Variants in TSPAN16 observed in about 807,000 individuals in gnomAD.
TSPAN16 encodes tetraspanin 16, also known as tetraspanin-16.
Under a neutral mutation model 25.2 loss-of-function variants are expected in TSPAN16, and 23 were observed. The ratio of observed to expected loss-of-function variants is 0.91; its 90% confidence interval spans 0.66 to 1.29. The LOEUF (loss-of-function observed/expected upper bound fraction) is 1.29, where lower values mean the gene tolerates loss of function less well. TSPAN16 is among the 50% of genes most tolerant of loss of function. The pLI, the probability that TSPAN16 is intolerant of heterozygous loss-of-function variation, is 0.00. For missense variants in TSPAN16, 272 were observed against 299.9 expected (o/e 0.91, Z 0.69); for synonymous variants, 123 against 124.4 (o/e 0.99, Z 0.08).
At chr19:11,304,971 AG>A (rs942555005) in intron 4 of TSPAN16, among the ~76,000 whole-genome samples, 2 of 151,652 alleles carry the variant, frequency 1.3e-5, no homozygotes, top group Admixed American at 6.6e-5. Context: ...AAAAAAAAAA[AG>A]TTTTGCTCCC....
intron 5 of TSPAN16, among the ~76,000 whole-genome samples, chr19:11,308,967 T>G (rs1446386195): frequency 6.6e-6 from 1 of 152,086 alleles, no homozygotes; most frequent in African/African-American, 2.4e-5. Context: ...CCAGCTATTC[T>G]GGTGGTTGAG....
At chr19:11,314,745 T>C (rs1278580060) in intron 6 of TSPAN16, among the ~76,000 whole-genome samples, 5 of 151,822 alleles carry the variant, frequency 3.3e-5, no homozygotes, top group Admixed American at 2.0e-4. Flanking sequence ...CTGAAGGCTC[T>C]AGAAAGGGCA....
rs191846655 is a variant in TSPAN16 at position 11,296,402 on chromosome 19, C to T, written c.69+36C>T. ...CACAATCCAGGCCCCTGGTTTGTTG[C>T]AGCCCTTCCTCCACAGTCAGCTCCC... On this transcript the variant is annotated intron_variant, in intron 1 of 6. Coordinates refer to ENST00000590327, the MANE Select transcript of TSPAN16 (RefSeq NM_001282509.2). The T allele has an allele frequency of 2.0e-5, 32 of 1,601,360 alleles. No individual in the cohort carries two copies. The African/African-American group carries it at 3.5e-4, about 17-fold the overall frequency.
intron 4 of TSPAN16, among the ~76,000 whole-genome samples, chr19:11,305,423 G>A (rs757753428): frequency 1.4e-4 from 21 of 151,720 alleles, no homozygotes; most frequent in Non-Finnish European, 2.6e-4. Flanking sequence ...CCAGCTACTC[G>A]GGAGGCCGAG....
downstream of TSPAN16, among the ~76,000 whole-genome samples, chr19:11,319,181 C>T (rs1384975791): frequency 1.3e-5 from 2 of 152,338 alleles, no homozygotes; most frequent in Middle Eastern, 3.4e-3. Flanking sequence ...ATATTTCTGT[C>T]CAATGTGGCT....
chr19:11,321,534 G>C (rs951756330), intron 6 of TSPAN16, among the ~76,000 whole-genome samples: 4 of 152,218 alleles, frequency 2.6e-5, no homozygotes, highest in African/African-American at 9.6e-5. Flanking sequence ...TGACTACCTT[G>C]GGTAAGGGCC....
chr19:11,322,969 G>A (rs1421497730), intron 6 of TSPAN16: 2 of 152,318 alleles, frequency 1.3e-5, no homozygotes, highest in Non-Finnish European at 2.9e-5. Flanking sequence ...AAACTTAGAT[G>A]GGCGTGGTGG....
At chr19:11,298,432 CCT>C in intron 2 of TSPAN16, 93 bp downstream of exon 2, 1 of 1,271,672 alleles carries the variant, frequency 7.9e-7, no homozygotes, top group Admixed American at 2.6e-5. Flanking sequence ...CTTGGTGTCA[CCT>C]ATTTTTTTTT....
chr19:11,301,152 G>A (rs774448985), intron 3 of TSPAN16, 49 bp from the exon 4 acceptor site: 1 of 1,511,070 alleles, frequency 6.6e-7, no homozygotes, highest in Non-Finnish European at 9.2e-7. Flanking sequence ...CAATGAACGG[G>A]CCACTCTTGC....
At chr19:11,313,446 G>T (rs2080714421) in intron 6 of TSPAN16, among the ~76,000 whole-genome samples, 1 of 151,294 alleles carries the variant, frequency 6.6e-6, no homozygotes, top group African/African-American at 2.4e-5. Context: ...AGAATCGCTT[G>T]AATCTGGGAG....
chr19:11,310,115 A>T (rs1309685914), intron 5 of TSPAN16, among the ~76,000 whole-genome samples: 1 of 151,986 alleles, frequency 6.6e-6, no homozygotes, highest in Non-Finnish European at 1.5e-5. Context: ...GAAAAAAAAA[A>T]ACTATTATGT....
intron 6 of TSPAN16, chr19:11,325,233 G>C: frequency 1.7e-6 from 1 of 578,558 alleles, no homozygotes; most frequent in Non-Finnish European, 3.1e-6. Flanking sequence ...GAGGAACCTG[G>C]CAGCCACGGC....
At chr19:11,320,138 T>TTTTTTTTTTTA (rs2080769662), downstream of TSPAN16, among the ~76,000 whole-genome samples, 1 of 149,048 alleles carries the variant, frequency 6.7e-6, no homozygotes, top group Non-Finnish European at 1.5e-5. Context: ...TTTTTTTTTT[T>TTTTTTTTTTTA]GAGACGGAGT....
downstream of TSPAN16, among the ~76,000 whole-genome samples, chr19:11,318,571 G>T (rs932507726): frequency 1.3e-5 from 2 of 152,124 alleles, no homozygotes; most frequent in Non-Finnish European, 2.9e-5. Flanking sequence ...TGAACTCAGG[G>T]GTTCATTCAA....
Position 11,298,966 on chromosome 19 carries a change from T to G in TSPAN16, c.342+20T>G, listed in dbSNP as rs748692483. ...CCAATTGTAAGTACAGCCCTGCTCC[T>G]CCCACATAGCATTAGAAAGATAAAG... On this transcript the variant is annotated intron_variant, in intron 3 of 6. Transcript: ENST00000590327. The G allele has an allele frequency of 5.0e-6, 8 of 1,610,732 alleles. No homozygotes were observed. Among genetic ancestry groups the G allele is most frequent in the African/African-American group, 4.0e-5 (3 of 74,828 alleles).
chr19:11,308,139 A>G (rs2080649575), intron 5 of TSPAN16: 1 of 152,228 alleles, frequency 6.6e-6, no homozygotes. Context: ...ACTGAGGTAC[A>G]GAGCATTTCC....
At chr19:11,316,118 GT>G (rs1297073841), downstream of TSPAN16, 1,254 of 105,956 alleles carry the variant, frequency 0.012, no homozygotes, top group Non-Finnish European at 0.015. Context: ...TGTGTGTGTG[GT>G]TTTTTTTTTT....
chr19:11,309,867 A>G (rs2147950169), intron 5 of TSPAN16, among the ~76,000 whole-genome samples: 2 of 152,238 alleles, frequency 1.3e-5, no homozygotes, highest in South Asian at 4.1e-4. Context: ...TTAGGAGGCC[A>G]AGGCAGGAGG....
intron 6 of TSPAN16, among the ~76,000 whole-genome samples, 156 bp from the exon 7 acceptor site, chr19:11,315,635 G>T (rs555872701): frequency 9.9e-5 from 15 of 151,992 alleles, no homozygotes; most frequent in African/African-American, 3.6e-4. Flanking sequence ...AACCACAGTG[G>T]CTCCAACTTA....
Sources: gnomAD v4.1 joint callset for allele counts (sites outside exome capture counted in the v4.1 genomes callset) on GRCh38, gnomAD v4.1.1 for gene constraint, MANE v1.5 for transcripts, NCBI Gene and HGNC (gene_info 2026-07-23, HGNC 2026-07-21) for gene names.